HPS3: variants seen among roughly 807,000 people sequenced by gnomAD.
The protein encoded by HPS3 is BLOC-2 complex member HPS3.
Under a neutral mutation model 110.9 loss-of-function variants are expected in HPS3, and 79 were observed. The ratio of observed to expected loss-of-function variants is 0.71; its 90% CI spans 0.59 to 0.86. HPS3 has a LOEUF of 0.86. Among genes scored for constraint, HPS3 ranks in the 40% least tolerant of loss-of-function variants. The pLI, the probability that HPS3 is intolerant of heterozygous loss-of-function variation, is 0.00. For synonymous variants in HPS3, 428 were observed against 451.0 expected (o/e 0.95, Z 0.65); for missense variants, 1,197 against 1,206.2 (o/e 0.99, Z 0.11).
At chr3:149,132,636 G>C (rs1721844881) in intron 1 of HPS3, among the ~76,000 whole-genome samples, 1 of 152,206 alleles carries the variant, frequency 6.6e-6, no homozygotes, top group Non-Finnish European at 1.5e-5. Flanking sequence ...CCATTCCGCA[G>C]CCCATGGATC....
Position 149,155,122 on chromosome 3 carries a change from CA to C in HPS3, c.1417del (p.Ser473ValfsTer9). 1.3e-6 allele frequency: 2 copies of C among 1,594,894 alleles called. No individual in the cohort carries two copies. Among genetic ancestry groups the C allele is most frequent in the Non-Finnish European group, 1.7e-6 (2 of 1,162,776 alleles). On this transcript the variant is annotated frameshift_variant, in exon 8 of 17. Transcript: ENST00000296051. LOFTEE classifies it high-confidence loss of function. ...TTGCTTTTAGTTCGAGAAAAGATAC[CA>C]GTGTTAAAATCAAAATACCTCCTGT... The part of the protein sequence containing the change: ...PKRLLSRKDT[S>X]VKIKIPPVAE...
In HPS3 at chr3:149,162,727, T is replaced by C. The variant is rs1259759316; in HGVS notation, c.2330T>C (p.Leu777Pro). 1 of 1,614,086 alleles carries C rather than the reference T, an allele frequency of 6.2e-7. No homozygotes were observed. Among genetic ancestry groups the C allele is most frequent in the Admixed American group, 1.7e-5 (1 of 59,998 alleles). ...AAGGATGAAGATACAATTCCTCAGC[T>C]CTTGGTAGACTTTTGGGAAGCTCAG... ...CAKDEDTIPQ[L>P]LVDFWEAQLV... is the part of the protein sequence containing the mutation. Residue 777 changes from leucine (L) to proline (P), a missense_variant, in exon 13 of 17, where the codon CTC becomes CCC. Transcript: ENST00000296051.
chr3:149,162,503 C>A, intron 12 of HPS3, 170 bp downstream of exon 12: 2 of 908,616 alleles, frequency 2.2e-6, no homozygotes, highest in Non-Finnish European at 1.7e-6. Context: ...TCTGTAGAAA[C>A]TTTATTTGTA....
chr3:149,139,977 C>T (rs778723220), intron 1 of HPS3, 27 bp from the exon 2 acceptor site: 5 of 1,601,222 alleles, frequency 3.1e-6, no homozygotes, highest in East Asian at 2.2e-5. Flanking sequence ...ATTACAAATT[C>T]TCAGTATAAT....
rs186659271 is a variant in HPS3, at chr3:149,167,191, C to G, written c.2747C>G (p.Pro916Arg). The change falls in exon 15 of 17, where the codon CCG (proline) becomes CGG (arginine). Residue 916 changes from proline (P) to arginine (R), a missense_variant. Pro to Arg is a moderately radical substitution (Grantham distance 103). Transcript: ENST00000296051. ...QCIDILLERCPEAVIPYANHE... is the reference protein window; with the variant it reads ...QCIDILLERCREAVIPYANHE... ...ATAGACATACTGTTAGAGAGATGCC[C>G]GGAGGCAGTCATTCCATATGCTAAT... 17 of 1,613,726 alleles carry G rather than the reference C, an allele frequency of 1.1e-5. No homozygotes were observed. In the African/African-American group the frequency reaches 2.3e-4, roughly 22 times the overall value.
intron 5 of HPS3, among the ~76,000 whole-genome samples, chr3:149,148,511 C>T (rs1440821145): frequency 6.7e-6 from 1 of 148,788 alleles, no homozygotes; most frequent in Non-Finnish European, 1.5e-5. Flanking sequence ...CAAGCAATTC[C>T]CCTGCCTCAG....
Position 149,145,425 on chromosome 3 carries a change from T to G in HPS3, c.1042T>G (p.Leu348Val), listed in dbSNP as rs1722733060. The change falls in exon 5 of 17, where the codon TTA becomes GTA. Residue 348 changes from leucine (L) to valine (V), a missense_variant. By Grantham distance (32) the Leu-to-Val change is conservative (BLOSUM62 1). Coordinates refer to ENST00000296051, the MANE Select transcript of HPS3 (RefSeq NM_032383.5). ...GCTGAGTCTCTTTTGCTTTTTCTCCTTACCTCATGTGGGCTATCTCTACAT... is the reference window on the plus strand; with the variant it reads ...GCTGAGTCTCTTTTGCTTTTTCTCCGTACCTCATGTGGGCTATCTCTACAT... ...ELLSLFCFFSLPHVGYLYMVV... is the reference protein window; with the variant it reads ...ELLSLFCFFSVPHVGYLYMVV... The G allele has an allele frequency of 1.2e-6, 2 of 1,613,900 alleles. No homozygotes were observed. Among genetic ancestry groups the G allele is most frequent in the Admixed American group, 1.7e-5 (1 of 60,002 alleles).
intron 6 of HPS3, 146 bp from the exon 7 acceptor site, chr3:149,153,348 T>TTTTG (rs745992377): frequency 1.5e-5 from 11 of 715,468 alleles, no homozygotes; most frequent in Non-Finnish European, 2.2e-5. Context: ...TGGGTTGGTC[T>TTTTG]TTTGTTTGTT....
In HPS3 at chr3:149,141,695, G is replaced by T. The variant is rs541297314; in HGVS notation, c.970+315G>T. Among the ~76,000 whole-genome samples, 484 of 147,264 alleles carry T rather than the reference G, an allele frequency of 3.3e-3. 1 individual carries two copies. Among genetic ancestry groups the T allele is most frequent in the Non-Finnish European group, 4.4e-3 (292 of 66,732 alleles). Reference sequence around the variant, plus strand: ...ACTACAGGCGCCCGCCACCAAGCCCGGCTAAATTTTTTTGTATTTTTAGCA... The same window carrying T: ...ACTACAGGCGCCCGCCACCAAGCCCTGCTAAATTTTTTTGTATTTTTAGCA... On this transcript the variant is annotated intron_variant, in intron 4 of 16. Transcript: ENST00000296051.
At position 149,145,403 on chromosome 3, in the gene HPS3, G is replaced by A. The variant is rs1465124527; in HGVS notation, c.1020G>A (p.Leu340=). ...GKNLSQEKEL[L]SLFCFFSLPH... ...ATTTGTCTCAGGAAAAAGAATTGCT[G>A]AGTCTCTTTTGCTTTTTCTCCTTAC... Residue 340 remains leucine (L), a synonymous_variant, in exon 5 of 17, where the codon CTG becomes CTA. Transcript: ENST00000296051. 1 of 1,614,034 alleles carries A rather than the reference G, an allele frequency of 6.2e-7. No homozygotes were observed. The highest frequency in any genetic ancestry group is 2.2e-5 in the East Asian group (1 of 44,874).
chr3:149,131,759 G>T (rs1270503485), intron 1 of HPS3, among the ~76,000 whole-genome samples: 4 of 152,224 alleles, frequency 2.6e-5, no homozygotes, highest in African/African-American at 9.7e-5. Context: ...GAAGGCAGGC[G>T]TGTCAGAAGC....
Position 149,153,483 on chromosome 3 carries a change from T to G in HPS3, c.1246-11T>G, listed in dbSNP as rs370498041. On this transcript the variant is annotated splice_polypyrimidine_tract_variant and intron_variant, in intron 6 of 16. Coordinates refer to ENST00000296051, the MANE Select transcript of HPS3 (RefSeq NM_032383.5). ...TATTTCTTGCTTAAATATGTGATTT[T>G]CCTTTACTAGGCTTGCCCACCTGTC... is the stretch of plus-strand genomic sequence containing the variant. 1.1e-5 allele frequency: 18 copies of G among 1,611,702 alleles called. No homozygotes were observed. Among genetic ancestry groups the G allele is most frequent in the East Asian group, 8.9e-5 (4 of 44,882 alleles).
At chr3:149,150,996 A>T (rs9871994) in intron 6 of HPS3, among the ~76,000 whole-genome samples, 1 of 146,574 alleles carries the variant, frequency 6.8e-6, no homozygotes, top group African/African-American at 2.5e-5. Flanking sequence ...TTTATTTTTT[A>T]TTTTTTTGAT....
rs1357743166 is a variant in HPS3 at position 149,129,691 on chromosome 3, C to G, written c.-33C>G. The G allele has an allele frequency of 6.6e-7, 1 of 1,509,264 alleles. No homozygotes were observed. Among genetic ancestry groups the G allele is most frequent in the South Asian group, 1.2e-5 (1 of 81,250 alleles). The allele number at this position is 1,509,264 out of a possible 1,614,324, so 93.5% of individuals were successfully genotyped here. On this transcript the variant is annotated 5_prime_UTR_variant, in exon 1 of 17. Transcript: ENST00000296051. ...CGGGGTCTCCGGGCGCCCTGCAGGGCGGGCAGGCTGTGCCATCCCGCCGGA... is the reference window on the plus strand; with the variant it reads ...CGGGGTCTCCGGGCGCCCTGCAGGGGGGGCAGGCTGTGCCATCCCGCCGGA...
intron 11 of HPS3, among the ~76,000 whole-genome samples, chr3:149,161,883 AT>A (rs1184034369): frequency 6.6e-6 from 1 of 152,154 alleles, no homozygotes; most frequent in Non-Finnish European, 1.5e-5. Context: ...AATTGACTGC[AT>A]TTTCAAATCA....
chr3:149,145,656 C>T (rs1722746175), intron 5 of HPS3, 110 bp downstream of exon 5: 2 of 837,316 alleles, frequency 2.4e-6, no homozygotes, highest in African/African-American at 1.7e-5. Flanking sequence ...ACTATAAATG[C>T]ATGAGTTACA....
chr3:149,129,676 G>T lies in HPS3; in HGVS notation c.-48G>T. On this transcript the variant is annotated 5_prime_UTR_variant, in exon 1 of 17. Transcript: ENST00000296051. Reference sequence around the variant, plus strand: ...CATTCGCGGTCAGCGCGGGGTCTCCGGGCGCCCTGCAGGGCGGGCAGGCTG... The same window carrying T: ...CATTCGCGGTCAGCGCGGGGTCTCCTGGCGCCCTGCAGGGCGGGCAGGCTG... 7.0e-7 allele frequency: 1 copy of T among 1,424,500 alleles called. No homozygotes were observed. The highest frequency in any genetic ancestry group is 1.4e-5 in the South Asian group (1 of 72,708). 88.2% of individuals were successfully genotyped at this position (1,424,500 alleles called of 1,614,324 possible).
chr3:149,130,068 G>C, intron 1 of HPS3, 128 bp downstream of exon 1: 1 of 859,692 alleles, frequency 1.2e-6, no homozygotes, highest in Non-Finnish European at 1.8e-6. Flanking sequence ...TTGCCGGATG[G>C]TCTCCCTGGG....
Position 149,158,752 on chromosome 3 carries a change from G to A in HPS3, c.1778G>A (p.Trp593Ter), listed in dbSNP as rs1723609962. ...SMAEVLARTD[W>*]TVEDGLQKYE... ...GCTGAAGTTCTGGCCCGCACGGACT[G>A]GACAGTAGAGGATGGATTACAGAAA... The change falls in exon 10 of 17, where the codon TGG becomes TAG. Residue 593 changes from tryptophan (W) to a stop codon, truncating the protein, a stop_gained. Transcript: ENST00000296051. LOFTEE classifies it high-confidence loss of function. 6.2e-7 allele frequency: 1 copy of A among 1,612,376 alleles called. No individual in the cohort carries two copies. The highest frequency in any genetic ancestry group is 1.7e-4 in the Middle Eastern group (1 of 6,054).
Sources: gnomAD v4.1 joint callset for allele counts (sites outside exome capture counted in the v4.1 genomes callset) on GRCh38, gnomAD v4.1.1 for gene constraint, MANE v1.5 for transcripts, NCBI Gene and HGNC (gene_info 2026-07-23, HGNC 2026-07-21) for gene names.